TDRKH: variants seen among roughly 807,000 people sequenced by gnomAD.
TDRKH encodes tudor and KH domain-containing protein.
In TDRKH, 28 loss-of-function variants were observed where a neutral mutation model predicts 61.3. The ratio of observed to expected loss-of-function variants is 0.46; its 90% CI spans 0.34 to 0.63. TDRKH has a LOEUF of 0.63. Among genes scored for constraint, TDRKH ranks in the 20% least tolerant of loss-of-function variants. The pLI is 0.01. For missense variants in TDRKH, 540 were observed against 683.4 expected, an observed-to-expected ratio of 0.79 and a Z score of 2.34; for synonymous variants, 219 against 244.4, an observed-to-expected ratio of 0.90 and a Z score of 0.97.
chr1:151,789,784 T>C (rs901766141), intron 1 of TDRKH, among the ~76,000 whole-genome samples: 1 of 152,066 alleles, frequency 6.6e-6, no homozygotes, highest in Non-Finnish European at 1.5e-5. Context: ...CATGCTTGAA[T>C]CGAAGCAGCT....
chr1:151,778,759 G>A lies in TDRKH; in HGVS notation c.809C>T (p.Ser270Phe), dbSNP rs868578776. The change falls in exon 6 of 13, where the codon TCC becomes TTC. Residue 270 changes from serine to phenylalanine, a missense_variant. By Grantham distance (155) the Ser-to-Phe change is radical (BLOSUM62 -2). Transcript: ENST00000368824. ...GCTGTCATCACTAGGTTTCTCCCAG[G>A]AACCTTCCTTTGACACTACCACAGC... is the stretch of plus-strand genomic sequence containing the variant. ...DMAVVVSKEG[S>F]WEKPSDDSFQ... 6.2e-7 allele frequency: 1 copy of A among 1,614,186 alleles called. No homozygotes were observed. Among genetic ancestry groups the A allele is most frequent in the African/African-American group, 1.3e-5 (1 of 75,044 alleles).
chr1:151,768,736 G>C (rs960550030), downstream of TDRKH, among the ~76,000 whole-genome samples: 79 of 152,280 alleles, frequency 5.2e-4, 2 homozygotes, highest in Non-Finnish European at 1.1e-3. Flanking sequence ...CAGGGTCATA[G>C]GACAATAGTG....
intron 7 of TDRKH, 80 bp from the exon 8 acceptor site, chr1:151,776,348 A>C: frequency 6.3e-7 from 1 of 1,594,062 alleles, no homozygotes; most frequent in African/African-American, 1.3e-5. Context: ...GAAGAAAGAA[A>C]AGTAGTTGCT....
At chr1:151,768,067 T>C (rs1432753704), downstream of TDRKH, 1 of 1,613,882 alleles carries the variant, frequency 6.2e-7, no homozygotes, top group East Asian at 2.2e-5. Context: ...GGCTGGGAAC[T>C]TGACGGTGCT....
intron 1 of TDRKH, among the ~76,000 whole-genome samples, chr1:151,786,868 T>G (rs374979805): frequency 7.2e-5 from 11 of 152,330 alleles, no homozygotes; most frequent in African/African-American, 2.6e-4. Flanking sequence ...ACTATCAATC[T>G]GAGGGAATAC....
At chr1:151,766,618 C>A, downstream of TDRKH, 3 of 1,353,932 alleles carry the variant, frequency 2.2e-6, no homozygotes, top group Non-Finnish European at 3.1e-6. Context: ...GACCCCTTAT[C>A]CATGTCATAG....
downstream of TDRKH, chr1:151,767,060 G>T (rs1268902297): frequency 1.3e-6 from 2 of 1,506,342 alleles, no homozygotes; most frequent in Non-Finnish European, 1.8e-6. Flanking sequence ...ATAGAAACAG[G>T]CTGGACAACA....
chr1:151,775,344 A>G, intron 10 of TDRKH, 48 bp downstream of exon 10: 1 of 1,585,190 alleles, frequency 6.3e-7, no homozygotes, highest in Non-Finnish European at 8.6e-7. Flanking sequence ...AAATTAGGCT[A>G]TAAATATACT....
chr1:151,789,148 G>A (rs4845572), intron 1 of TDRKH, among the ~76,000 whole-genome samples: 48,460 of 152,020 alleles, frequency 0.32, 8,223 homozygotes, highest in Middle Eastern at 0.46. Context: ...TCCCGCAGTC[G>A]TCCGGCGTAG....
chr1:151,778,931 G>A lies in TDRKH; in HGVS notation c.637C>T (p.Pro213Ser). The A allele has an allele frequency of 6.2e-7, 1 of 1,614,130 alleles. No homozygotes were observed. Among genetic ancestry groups the A allele is most frequent in the Non-Finnish European group, 8.5e-7 (1 of 1,180,026 alleles). ...RIAHSAETRV[P>S]RKQPISVRRE... ...CTCACACTGATTGGCTGTTTGCGTG[G>A]GACCCTGGTTTCTGCAGAATGAGCA... is the stretch of plus-strand genomic sequence containing the variant. Residue 213 changes from proline (P) to serine (S), a missense_variant, in exon 6 of 13, where the codon CCA becomes TCA. Transcript: ENST00000368824.
At chr1:151,770,210 A>AT (rs1648618215), downstream of TDRKH, 2 of 1,613,726 alleles carry the variant, frequency 1.2e-6, no homozygotes, top group Non-Finnish European at 8.5e-7. Context: ...GAGAAGACAA[A>AT]TGTGGACTCT....
Position 151,774,733 on chromosome 1 carries a change from G to A in TDRKH, c.1610C>T (p.Thr537Ile), listed in dbSNP as rs1024182098. The stretch of plus-strand genomic sequence containing the variant: ...ACCTGATAAGCTGAGGCAGGACAGG[G>A]TATGTGTTATCTCTCCAGAGCTCTT... ...TKKSSGEITH[T>I]LSCLSLSEAA... Residue 537 changes from threonine (T) to isoleucine (I), a missense_variant, in exon 12 of 13, where the codon ACC (threonine) becomes ATC (isoleucine). Coordinates refer to ENST00000368824, the MANE Select transcript of TDRKH (RefSeq NM_001083965.2). 3 of 1,614,074 alleles carry A rather than the reference G, an allele frequency of 1.9e-6. No homozygotes were observed. The African/African-American group carries it at 4.0e-5, about 22-fold the overall frequency.
At chr1:151,767,420 G>C, downstream of TDRKH, 1 of 1,493,744 alleles carries the variant, frequency 6.7e-7, no homozygotes, top group Non-Finnish European at 8.9e-7. Context: ...TGGAACGCAT[G>C]TGTAAAAGCT....
rs1648882544 is a variant in TDRKH at position 151,773,641 on chromosome 1, CCTTT to C, written c.*807_*810del. 6.6e-6 allele frequency: 1 copy of C among 152,264 alleles called. No individual in the cohort carries two copies. The highest frequency in any genetic ancestry group is 1.5e-5 in the Non-Finnish European group (1 of 68,054). 9.4% of individuals were successfully genotyped at this position (152,264 alleles called of 1,614,324 possible). A position where few individuals can be genotyped will look rare whatever the true frequency, so the allele number is the denominator to read the frequency against. Reference sequence around the variant, plus strand: ...AGAAAATTTCCTGAGCCTCCTGTCTCCTTTCTACTTATATTTTAACTAAAGGTTA... The same window carrying C: ...AGAAAATTTCCTGAGCCTCCTGTCTCCTACTTATATTTTAACTAAAGGTTA... On this transcript the variant is annotated 3_prime_UTR_variant, in exon 13 of 13. Transcript: ENST00000368824.
At chr1:151,766,531 C>A, downstream of TDRKH, 1 of 614,426 alleles carries the variant, frequency 1.6e-6, no homozygotes, top group South Asian at 2.1e-5. Context: ...AACATGCATA[C>A]TAGTCGAATA....
downstream of TDRKH, chr1:151,768,186 C>A: frequency 1.2e-6 from 2 of 1,613,936 alleles, no homozygotes; most frequent in Non-Finnish European, 1.7e-6. Flanking sequence ...ACCGTCGACT[C>A]TTCCTGGATA....
chr1:151,774,475 G>A lies in TDRKH; in HGVS notation c.1663C>T (p.Leu555Phe), dbSNP rs780136707. The A allele has an allele frequency of 6.2e-7, 1 of 1,614,162 alleles. No homozygotes were observed. The highest frequency in any genetic ancestry group is 1.1e-5 in the South Asian group (1 of 91,084). ...CTTCAGAGTAAGTAGTCATCTTCAA[G>A]GTTATCATCACCAGACATGGAAGCA... is the stretch of plus-strand genomic sequence containing the variant. The part of the protein sequence containing the change: ...EAASMSGDDN[L>F]EDDYLL Residue 555 changes from leucine (L) to phenylalanine (F), a missense_variant, in exon 13 of 13, where the codon CTT becomes TTT. Physicochemically the swap from Leu to Phe is conservative, Grantham distance 22. This residue lies in a region of TDRKH where 379 missense variants were observed against 443.8 expected (regional missense o/e 0.85). Coordinates refer to ENST00000368824, the MANE Select transcript of TDRKH (RefSeq NM_001083965.2).
At chr1:151,768,873 C>A (rs1021616989), downstream of TDRKH, among the ~76,000 whole-genome samples, 3 of 150,848 alleles carry the variant, frequency 2.0e-5, no homozygotes, top group Non-Finnish European at 4.4e-5. Context: ...TGACTCTTAA[C>A]GAGCATGCTG....
At chr1:151,772,059 C>G (rs1241555199), downstream of TDRKH, 1 of 398,024 alleles carries the variant, frequency 2.5e-6, no homozygotes, top group African/African-American at 2.1e-5. Context: ...CAGAACTGTT[C>G]CTTCACTAGA....
Sources: gnomAD v4.1 joint callset for allele counts (sites outside exome capture counted in the v4.1 genomes callset) on GRCh38, gnomAD v4.1.1 for gene constraint, gnomAD v4.1.1 regional missense constraint, MANE v1.5 for transcripts, NCBI Gene and HGNC (gene_info 2026-07-23, HGNC 2026-07-21) for gene names.